COL17A1: variants seen among roughly 807,000 people sequenced by gnomAD.
The protein encoded by COL17A1 is collagen type XVII alpha 1 chain.
A neutral mutation model predicts 218.4 loss-of-function variants in COL17A1; 181 were observed. The observed-to-expected ratio is 0.83, with a 90% confidence interval of 0.73 to 0.94. COL17A1 has a LOEUF of 0.94. Among genes scored for constraint, COL17A1 ranks in the 40% least tolerant of loss-of-function variants. The pLI, the probability that COL17A1 is intolerant of heterozygous loss-of-function variation, is 0.00. For missense variants in COL17A1, 1,924 were observed against 1,945.9 expected, an observed-to-expected ratio of 0.99 and a Z score of 0.21; for synonymous variants, 721 against 731.0, an observed-to-expected ratio of 0.99 and a Z score of 0.22.
At chr10:104,049,345 C>A in intron 29 of COL17A1, 64 bp downstream of exon 29, 1 of 1,488,032 alleles carries the variant, frequency 6.7e-7, no homozygotes, top group Non-Finnish European at 9.4e-7. Flanking sequence ...AGACGGATCT[C>A]TCCAGGGTCG....
chr10:104,033,915 C>T (rs767449883), intron 52 of COL17A1, 30 bp downstream of exon 52: 33 of 1,614,038 alleles, frequency 2.0e-5, no homozygotes, highest in Non-Finnish European at 2.8e-5. Context: ...TCCTTCCCCC[C>T]AGCACCAAGG....
At chr10:104,057,214 C>A in intron 16 of COL17A1, 42 bp from the exon 17 acceptor site, 4 of 1,613,658 alleles carry the variant, frequency 2.5e-6, no homozygotes, top group Non-Finnish European at 3.4e-6. Context: ...GCAGGCAGCT[C>A]CTGCCTTTTC....
At chr10:104,035,030 C>T (rs79019201) in intron 50 of COL17A1, among the ~76,000 whole-genome samples, 1 of 152,134 alleles carries the variant, frequency 6.6e-6, no homozygotes, top group Non-Finnish European at 1.5e-5. Flanking sequence ...AGGTGGAGCC[C>T]CAGGTCGGCC....
intron 9 of COL17A1, among the ~76,000 whole-genome samples, chr10:104,066,258 C>T (rs938786351): frequency 2.0e-5 from 3 of 152,132 alleles, no homozygotes; most frequent in African/African-American, 7.2e-5. Context: ...CCCTGCCCAA[C>T]AAAAGAGGGA....
At chr10:104,036,098 G>A (rs1420099152) in intron 48 of COL17A1, among the ~76,000 whole-genome samples, 1 of 122,700 alleles carries the variant, frequency 8.1e-6, no homozygotes, top group Non-Finnish European at 1.7e-5. Context: ...GAGTGTGTGT[G>A]TATGGGAGTG....
intron 17 of COL17A1, among the ~76,000 whole-genome samples, chr10:104,056,583 A>C (rs1349609334): frequency 4.6e-4 from 1 of 2,192 alleles, no homozygotes; most frequent in African/African-American, 5.1e-4. Flanking sequence ...CGCCGTCTCA[A>C]AAAAAAAAAA....
chr10:104,055,671 G>A, intron 18 of COL17A1, 111 bp downstream of exon 18: 1 of 1,443,712 alleles, frequency 6.9e-7, no homozygotes, highest in Non-Finnish European at 9.5e-7. Context: ...GGAGGAGAGA[G>A]GCCGAGAGTG....
In COL17A1 at chr10:104,043,487, G is replaced by A. The variant is rs767821681; in HGVS notation, c.2515+14C>T. ...CTATTGCTGATTTGGGGCAAAGCAA[G>A]AAAATAGACTGACCTGGGGCACCTG... On this transcript the variant is annotated intron_variant, in intron 35 of 55. Coordinates refer to ENST00000648076, the MANE Select transcript of COL17A1 (RefSeq NM_000494.4). 1 of 1,612,714 alleles carries A rather than the reference G, an allele frequency of 6.2e-7. No homozygotes were observed. Among genetic ancestry groups the A allele is most frequent in the Non-Finnish European group, 8.5e-7 (1 of 1,179,220 alleles).
intron 12 of COL17A1, among the ~76,000 whole-genome samples, chr10:104,061,908 G>C (rs1284791926): frequency 6.6e-6 from 1 of 152,198 alleles, no homozygotes; most frequent in African/African-American, 2.4e-5. Flanking sequence ...GTGGCAACCT[G>C]TAGGGGGTGC....
chr10:104,048,370 C>T (rs960301059), intron 29 of COL17A1, among the ~76,000 whole-genome samples: 7 of 152,186 alleles, frequency 4.6e-5, no homozygotes, highest in Admixed American at 1.3e-4. Context: ...ATGCTTGTCG[C>T]GTTTACTTGA....
intron 7 of COL17A1, among the ~76,000 whole-genome samples, chr10:104,072,394 G>T (rs1380651709): frequency 1.3e-5 from 2 of 152,214 alleles, no homozygotes; most frequent in African/African-American, 4.8e-5. Flanking sequence ...CCTCATGGCT[G>T]CCAGAACCAA....
Position 104,052,233 on chromosome 10 carries a change from G to C in COL17A1, c.1940-16C>G. Reference sequence around the variant, plus strand: ...CCAGCAGCCCCTGAGGAGAAATGGAGGGATGAGCACTTTGGGAGAGGCCCC... The same window carrying C: ...CCAGCAGCCCCTGAGGAGAAATGGACGGATGAGCACTTTGGGAGAGGCCCC... On this transcript the variant is annotated splice_polypyrimidine_tract_variant and intron_variant, in intron 23 of 55. Transcript: ENST00000648076. The C allele has an allele frequency of 6.2e-7, 1 of 1,614,144 alleles. No individual in the cohort carries two copies. Among genetic ancestry groups the C allele is most frequent in the East Asian group, 2.2e-5 (1 of 44,876 alleles).
chr10:104,034,059 C>T lies in COL17A1; in HGVS notation c.4042G>A (p.Gly1348Arg). 6.2e-7 allele frequency: 1 copy of T among 1,614,144 alleles called. No homozygotes were observed. Among genetic ancestry groups the T allele is most frequent in the Non-Finnish European group, 8.5e-7 (1 of 1,180,038 alleles). Reference sequence around the variant, plus strand: ...TACATGCCGCCTTCTGCTGCTGCCCCATAGCCTCCGCCTGGGCCGATGTCA... The same window carrying T: ...TACATGCCGCCTTCTGCTGCTGCCCTATAGCCTCCGCCTGGGCCGATGTCA... The part of the protein sequence containing the change: ...GTDIGPGGGY[G>R]AAAEGGMYAG... The change falls in exon 52 of 56, where the codon GGG becomes AGG. Residue 1348 changes from glycine to arginine, a missense_variant. By Grantham distance (125) the Gly-to-Arg change is moderately radical. Coordinates refer to ENST00000648076, the MANE Select transcript of COL17A1 (RefSeq NM_000494.4).
chr10:104,050,163 G>A, intron 27 of COL17A1, 39 bp from the exon 28 acceptor site: 2 of 1,613,730 alleles, frequency 1.2e-6, no homozygotes, highest in Non-Finnish European at 1.7e-6. Context: ...AGCCACAGTT[G>A]TGAGCAAGGA....
At chr10:104,068,566 A>G (rs182662270) in intron 9 of COL17A1, among the ~76,000 whole-genome samples, 19 of 152,364 alleles carry the variant, frequency 1.2e-4, no homozygotes, top group African/African-American at 4.3e-4. Context: ...GGCACTGTAT[A>G]TACTAATTCC....
chr10:104,078,582 G>T lies in COL17A1; in HGVS notation c.57C>A (p.Val19=). Residue 19 remains valine (V), a synonymous_variant, in exon 3 of 56, where the codon GTC becomes GTA. Transcript: ENST00000648076. ...TAAGTCTTGTGGTTACTGTTTCAGT[G>T]ACAACTAGAAAAAGACAAAGAAAAG... ...RDGTEVTERI[V]TETVTTRLTS... 1 of 1,614,118 alleles carries T rather than the reference G, an allele frequency of 6.2e-7. No homozygotes were observed. The highest frequency in any genetic ancestry group is 1.1e-5 in the South Asian group (1 of 91,072).
At chr10:104,037,013 T>A in intron 47 of COL17A1, 32 bp downstream of exon 47, 1 of 1,575,082 alleles carries the variant, frequency 6.3e-7, no homozygotes, top group Non-Finnish European at 8.6e-7. Context: ...GCAAAGATAG[T>A]CCCACCCTCG....
At chr10:104,058,268 T>A in intron 15 of COL17A1, 78 bp from the exon 16 acceptor site, 1 of 1,591,244 alleles carries the variant, frequency 6.3e-7, no homozygotes. Flanking sequence ...GCCATTTTTT[T>A]ATTCCTTTAC....
chr10:104,046,834 C>A, intron 31 of COL17A1, 61 bp from the exon 32 acceptor site: 1 of 1,524,908 alleles, frequency 6.6e-7, no homozygotes, highest in Admixed American at 1.7e-5. Context: ...CTGGTAGCCA[C>A]ACCCACACCT....
Sources: gnomAD v4.1 joint callset for allele counts (sites outside exome capture counted in the v4.1 genomes callset) on GRCh38, gnomAD v4.1.1 for gene constraint, MANE v1.5 for transcripts, NCBI Gene and HGNC (gene_info 2026-07-23, HGNC 2026-07-21) for gene names.